TENT5D: variants seen among roughly 807,000 people sequenced by gnomAD.
TENT5D encodes terminal nucleotidyltransferase 5D.
For missense variants in TENT5D, 191 were observed against 287.0 expected, an observed-to-expected ratio of 0.67 and a Z score of 2.42; for synonymous variants, 103 against 100.6, an observed-to-expected ratio of 1.02 and a Z score of -0.15.
At chrX:80,366,593 A>T (rs1930516366) in intron 3 of TENT5D, among the ~76,000 whole-genome samples, 1 of 111,500 alleles carries the variant, frequency 9.0e-6, no homozygotes, top group African/African-American at 3.2e-5. Context: ...AGAAAAAGTC[A>T]TATATTGTAT....
At chrX:80,438,835 G>C (rs1441139721) in intron 2 of TENT5D, 103 bp downstream of exon 2, 1 of 110,820 alleles carries the variant, frequency 9.0e-6, no homozygotes, top group Non-Finnish European at 1.9e-5. Flanking sequence ...TCGTCAAAGG[G>C]AACATAGAGT....
chrX:80,443,772 A>C, exon 3 of TENT5D: 1 of 962,839 alleles, frequency 1.0e-6, no homozygotes, highest in Non-Finnish European at 1.4e-6. Flanking sequence ...GCAAGTTTCC[A>C]AATGTAAAAT....
intron 1 of TENT5D, among the ~76,000 whole-genome samples, chrX:80,427,637 C>A (rs1392028722): frequency 3.6e-5 from 4 of 111,742 alleles, no homozygotes; most frequent in Non-Finnish European, 7.5e-5. Context: ...ACTACACAGA[C>A]AGGCAGAAGA....
chrX:80,435,191 C>T (rs1235744080), intron 1 of TENT5D, among the ~76,000 whole-genome samples: 2 of 111,553 alleles, frequency 1.8e-5, no homozygotes, highest in Non-Finnish European at 3.8e-5. Context: ...TATTGTTCTG[C>T]AATTCAAGCA....
chrX:80,430,208 G>T (rs1932062056), intron 1 of TENT5D, among the ~76,000 whole-genome samples: 1 of 111,455 alleles, frequency 9.0e-6, no homozygotes, highest in Non-Finnish European at 1.9e-5. Context: ...ATATTTATTG[G>T]GGTCATTAGA....
intron 3 of TENT5D, among the ~76,000 whole-genome samples, chrX:80,382,712 C>CT (rs1236370367): frequency 2.7e-5 from 3 of 109,761 alleles, no homozygotes; most frequent in African/African-American, 9.9e-5. Context: ...ACGCCCCCCC[C>CT]CCACTGCCAG....
chrX:80,370,755 A>T (rs1051795469), intron 3 of TENT5D, among the ~76,000 whole-genome samples: 8 of 111,539 alleles, frequency 7.2e-5, no homozygotes, highest in African/African-American at 2.6e-4. Context: ...TAGTATACTT[A>T]CAGAATTGAT....
At chrX:80,427,991 C>T (rs1261238095) in intron 1 of TENT5D, among the ~76,000 whole-genome samples, 6 of 112,124 alleles carry the variant, frequency 5.4e-5, no homozygotes, top group African/African-American at 1.6e-4. Context: ...AACATAAAGG[C>T]TTTAAAAATA....
intron 3 of TENT5D, among the ~76,000 whole-genome samples, chrX:80,351,343 G>A (rs892143642): frequency 5.6e-5 from 6 of 106,263 alleles, no homozygotes; most frequent in South Asian, 4.1e-4. Context: ...TGTTCATTCC[G>A]TTTCAATGTT....
chrX:80,404,156 T>A (rs930991606), intron 3 of TENT5D, among the ~76,000 whole-genome samples: 6 of 111,758 alleles, frequency 5.4e-5, no homozygotes, highest in African/African-American at 1.6e-4. Context: ...TTATAAAAAG[T>A]TTAAAACAAT....
intron 3 of TENT5D, among the ~76,000 whole-genome samples, chrX:80,403,440 A>G (rs1285534350): frequency 4.5e-5 from 5 of 112,309 alleles, no homozygotes; most frequent in African/African-American, 1.6e-4. Flanking sequence ...AGACCTTGGC[A>G]TCTTTTACTA....
intron 3 of TENT5D, among the ~76,000 whole-genome samples, chrX:80,396,893 GGGC>G (rs1931262730): frequency 1.3e-5 from 1 of 75,559 alleles, no homozygotes; most frequent in African/African-American, 4.8e-5. Flanking sequence ...GTGGCTGGCC[GGGC>G]GGGGGGCTGA....
intron 3 of TENT5D, among the ~76,000 whole-genome samples, chrX:80,363,325 T>G (rs1238310332): frequency 1.8e-5 from 2 of 111,713 alleles, no homozygotes; most frequent in Non-Finnish European, 3.8e-5. Context: ...AACCAAATTT[T>G]CCTGTTAAAT....
chrX:80,406,385 C>G (rs1170361556), intron 3 of TENT5D, among the ~76,000 whole-genome samples: 3 of 106,423 alleles, frequency 2.8e-5, no homozygotes, highest in African/African-American at 6.8e-5. Context: ...CTAGAATAAC[C>G]AATACAGAGA....
chrX:80,347,778 T>G (rs764023890), intron 3 of TENT5D, among the ~76,000 whole-genome samples: 1 of 111,997 alleles, frequency 8.9e-6, no homozygotes, highest in African/African-American at 3.2e-5. Flanking sequence ...ATCTCCTAGG[T>G]TTTCTTCTAT....
intron 3 of TENT5D, among the ~76,000 whole-genome samples, chrX:80,376,926 G>A (rs1050360424): frequency 9.9e-5 from 11 of 111,279 alleles, no homozygotes; most frequent in Non-Finnish European, 2.1e-4. Flanking sequence ...GATATGTTAA[G>A]AATATAGTGA....
At chrX:80,411,526 A>C (rs1303347136) in intron 3 of TENT5D, among the ~76,000 whole-genome samples, 1 of 111,821 alleles carries the variant, frequency 8.9e-6, no homozygotes, top group Non-Finnish European at 1.9e-5. Context: ...TCTTGCCAAA[A>C]ATTCCTCTTT....
rs184987123 is a variant in TENT5D, at chrX:80,386,892, A to G, written c.-142+44328A>G. 5.0e-4 allele frequency among the ~76,000 whole-genome samples: 56 copies of G among 112,266 alleles called. No homozygotes were observed. In the Middle Eastern group the frequency reaches 0.014, roughly 27 times the overall value. On this transcript the variant is annotated intron_variant, in intron 3 of 4. Coordinates refer to the TENT5D transcript ENST00000538312. ...ACAATGGGGAAAAAACCAAAGTGCTAAAATGCTAAGAAAAATTAAAATGTT... is the reference window on the plus strand; with the variant it reads ...ACAATGGGGAAAAAACCAAAGTGCTGAAATGCTAAGAAAAATTAAAATGTT...
At chrX:80,357,821 G>T (rs1284380247) in intron 3 of TENT5D, among the ~76,000 whole-genome samples, 1 of 111,218 alleles carries the variant, frequency 9.0e-6, no homozygotes, top group Non-Finnish European at 1.9e-5. Context: ...CTACTTTAAA[G>T]TTCATATGGA....
Sources: gnomAD v4.1 joint callset for allele counts (sites outside exome capture counted in the v4.1 genomes callset) on GRCh38, gnomAD v4.1.1 for gene constraint, MANE v1.5 for transcripts, NCBI Gene and HGNC (gene_info 2026-07-23, HGNC 2026-07-21) for gene names.